SLC4A8: variants seen among roughly 807,000 people sequenced by gnomAD.
SLC4A8 encodes the protein electroneutral sodium bicarbonate exchanger 1.
In SLC4A8, 40 loss-of-function variants were observed where a neutral mutation model predicts 125.0. That is an observed-to-expected ratio of 0.32 (90% CI 0.25 to 0.42). SLC4A8 has a LOEUF of 0.42. Ranked by LOEUF, SLC4A8 falls within the 10% of genes least tolerant of loss-of-function variation. The pLI is 1.00. For missense variants in SLC4A8, 863 were observed against 1,355.1 expected, an observed-to-expected ratio of 0.64 and a Z score of 5.70; for synonymous variants, 456 against 476.0, an observed-to-expected ratio of 0.96 and a Z score of 0.55.
In SLC4A8 at chr12:51,462,375, C is replaced by A; in HGVS notation, c.1167C>A (p.Phe389Leu). 6.2e-7 allele frequency: 1 copy of A among 1,613,052 alleles called. No homozygotes were observed. The highest frequency in any genetic ancestry group is 8.5e-7 in the Non-Finnish European group (1 of 1,179,582). Residue 389 changes from phenylalanine (F) to leucine (L), a missense_variant, in exon 10 of 25, where the codon TTC becomes TTA. By Grantham distance (22) the Phe-to-Leu change is conservative. Transcript: ENST00000453097. Reference sequence around the variant, plus strand: ...ATCTCCTGGCGGGGATTGATGAGTTCCTAGACCAGGTGACGGTGCTCCCTC... The same window carrying A: ...ATCTCCTGGCGGGGATTGATGAGTTACTAGACCAGGTGACGGTGCTCCCTC... ...RDDLLAGIDEFLDQVTVLPPG... is the reference protein window; with the variant it reads ...RDDLLAGIDELLDQVTVLPPG...
chr12:51,475,648 C>T (rs1167420201), intron 16 of SLC4A8, among the ~76,000 whole-genome samples: 1 of 152,172 alleles, frequency 6.6e-6, no homozygotes, highest in Non-Finnish European at 1.5e-5. Context: ...AAATCACTGG[C>T]GACACTGACT....
intron 23 of SLC4A8, among the ~76,000 whole-genome samples, chr12:51,505,490 C>G (rs1364974748): frequency 6.6e-6 from 1 of 152,190 alleles, no homozygotes; most frequent in Admixed American, 6.5e-5. Context: ...GCAAGTGCTC[C>G]GTAAGTGGTA....
chr12:51,408,428 G>A (rs1456414668), intron 1 of SLC4A8, among the ~76,000 whole-genome samples: 1 of 151,990 alleles, frequency 6.6e-6, no homozygotes, highest in Non-Finnish European at 1.5e-5. Context: ...GTAGCGATGG[G>A]GTTTCTCCAT....
chr12:51,402,892 C>T (rs539753323), intron 1 of SLC4A8, among the ~76,000 whole-genome samples: 119 of 152,190 alleles, frequency 7.8e-4, no homozygotes, highest in African/African-American at 2.7e-3. Flanking sequence ...TTCTTCACAG[C>T]GTTATCCCAT....
In SLC4A8 at chr12:51,488,644, T is replaced by C. The variant is rs139998325; in HGVS notation, c.2287-55T>C. Reference sequence around the variant, plus strand: ...GGATATTGTGATCCAGTTTGATATGTTTTACCCCAATGACTATAACTTAAA... The same window carrying C: ...GGATATTGTGATCCAGTTTGATATGCTTTACCCCAATGACTATAACTTAAA... On this transcript the variant is annotated intron_variant, in intron 17 of 24. Coordinates refer to ENST00000453097, the MANE Select transcript of SLC4A8 (RefSeq NM_001039960.3). 1.3e-5 allele frequency: 18 copies of C among 1,417,828 alleles called. No individual in the cohort carries two copies. The African/African-American group carries it at 1.7e-4, about 13-fold the overall frequency. The allele number at this position is 1,417,828 out of a possible 1,614,324, so 87.8% of individuals were successfully genotyped here. A position where few individuals can be genotyped will look rare whatever the true frequency, so the allele number is the denominator to read the frequency against.
intron 18 of SLC4A8, among the ~76,000 whole-genome samples, chr12:51,489,096 G>C (rs1417369170): frequency 6.6e-6 from 1 of 152,234 alleles, no homozygotes; most frequent in Non-Finnish European, 1.5e-5. Context: ...GAAGGTGATT[G>C]GGTAGAGTTC....
At chr12:51,403,597 C>T (rs922468672) in intron 1 of SLC4A8, among the ~76,000 whole-genome samples, 2 of 152,170 alleles carry the variant, frequency 1.3e-5, no homozygotes, top group East Asian at 1.9e-4. Context: ...CAGAGTCTGC[C>T]GATGTTACCA....
intron 2 of SLC4A8, among the ~76,000 whole-genome samples, chr12:51,442,884 T>C (rs1181153086): frequency 6.6e-6 from 1 of 152,120 alleles, no homozygotes; most frequent in Non-Finnish European, 1.5e-5. Flanking sequence ...GTGTTATCTC[T>C]TGAAGGCATA....
intron 22 of SLC4A8, among the ~76,000 whole-genome samples, chr12:51,498,978 G>A (rs1937711863): frequency 6.8e-6 from 1 of 148,060 alleles, no homozygotes; most frequent in South Asian, 2.3e-4. Flanking sequence ...GAGGTCAGGA[G>A]TTTGAGACCT....
chr12:51,417,860 C>A (rs1948717932), intron 1 of SLC4A8, among the ~76,000 whole-genome samples: 1 of 152,172 alleles, frequency 6.6e-6, no homozygotes, highest in South Asian at 2.1e-4. Context: ...CCACGTTGGC[C>A]AAGCTGATCT....
At chr12:51,410,876 CTT>C (rs58043742) in intron 1 of SLC4A8, among the ~76,000 whole-genome samples, 149 of 117,344 alleles carry the variant, frequency 1.3e-3, no homozygotes, top group East Asian at 5.2e-3. Context: ...CTTTTCTTTT[CTT>C]TTTTTTTTTT....
rs552116065 is a variant in SLC4A8, at chr12:51,416,400, T to C, written c.-111-24308T>C. 3.9e-5 allele frequency among the ~76,000 whole-genome samples: 6 copies of C among 152,228 alleles called. No homozygotes were observed. In the South Asian group the frequency reaches 1.2e-3, roughly 32 times the overall value. On this transcript the variant is annotated intron_variant, in intron 1 of 24. Coordinates refer to the SLC4A8 transcript ENST00000358657. Reference sequence around the variant, plus strand: ...GCTCTTGCCTGTAATCCCAGCACTTTGGGAGGACGTGACAGGCAGATTGCT... The same window carrying C: ...GCTCTTGCCTGTAATCCCAGCACTTCGGGAGGACGTGACAGGCAGATTGCT...
At chr12:51,495,262 C>T in intron 21 of SLC4A8, 144 bp downstream of exon 21, 2 of 677,118 alleles carry the variant, frequency 3.0e-6, no homozygotes, top group South Asian at 4.4e-5. Context: ...TATTACCACC[C>T]TCCAGCTCTG....
chr12:51,447,084 A>G (rs1200542331), intron 2 of SLC4A8, among the ~76,000 whole-genome samples: 1 of 152,040 alleles, frequency 6.6e-6, no homozygotes, highest in Non-Finnish European at 1.5e-5. Flanking sequence ...CTATCTATCT[A>G]TCTATCTAGA....
chr12:51,425,119 C>G, intron 1 of SLC4A8, 84 bp downstream of exon 1: 11 of 1,489,450 alleles, frequency 7.4e-6, no homozygotes, highest in South Asian at 3.9e-5. Context: ...CTTCTGCCCC[C>G]GAGCCCAGGC....
intron 1 of SLC4A8, among the ~76,000 whole-genome samples, chr12:51,393,994 G>A (rs1481237723): frequency 6.6e-6 from 1 of 152,164 alleles, no homozygotes; most frequent in Non-Finnish European, 1.5e-5. Flanking sequence ...TCTCTTCTTG[G>A]GGCTGAACAC....
chr12:51,421,221 C>T (rs1948783572), upstream of SLC4A8, among the ~76,000 whole-genome samples: 1 of 152,210 alleles, frequency 6.6e-6, no homozygotes, highest in African/African-American at 2.4e-5. Context: ...TCCACTAGGA[C>T]TTGTCTTCCA....
intron 5 of SLC4A8, among the ~76,000 whole-genome samples, chr12:51,456,646 CA>C (rs1184183390): frequency 2.6e-5 from 4 of 152,134 alleles, no homozygotes; most frequent in Non-Finnish European, 1.5e-5. Flanking sequence ...ATACCTTGCT[CA>C]AGATCACACA....
Position 51,480,045 on chromosome 12 carries a change from C to G in SLC4A8, c.2172+4839C>G, listed in dbSNP as rs1414584062. On this transcript the variant is annotated intron_variant, in intron 16 of 24. Transcript: ENST00000453097. ...AGTGCGGTGGTGTGATCTTGGCTCA[C>G]TGCAACCTCCGCCTCCTCCCGAGTA... 3 of 364,412 alleles carry G rather than the reference C, an allele frequency of 8.2e-6. No homozygotes were observed. The East Asian group carries it at 3.1e-4, about 37-fold the overall frequency. 22.6% of individuals were successfully genotyped at this position (364,412 alleles called of 1,614,324 possible). A position where few individuals can be genotyped will look rare whatever the true frequency, so the allele number is the denominator to read the frequency against.
Sources: allele counts gnomAD v4.1 joint callset (sites outside exome capture counted in the v4.1 genomes callset), GRCh38; gene constraint gnomAD v4.1.1; transcripts MANE v1.5; gene names NCBI Gene and HGNC (gene_info 2026-07-23, HGNC 2026-07-21).